The following GOLPH3L variants were observed in gnomAD, a reference collection of about 807,000 sequenced individuals.
GOLPH3L encodes Golgi phosphoprotein 3-like.
GOLPH3L carries 22 observed loss-of-function variants against 30.3 expected under a neutral mutation model. That is an observed-to-expected ratio of 0.73 (90% CI 0.52 to 1.04). The LOEUF (loss-of-function observed/expected upper bound fraction) is 1.04, where lower values mean the gene tolerates loss of function less well. GOLPH3L is among the 50% of genes least tolerant of loss of function. The pLI is 0.00. For missense variants in GOLPH3L, 303 were observed against 345.8 expected, an observed-to-expected ratio of 0.88 and a Z score of 0.98; for synonymous variants, 120 against 128.2, an observed-to-expected ratio of 0.94 and a Z score of 0.43.
intron 2 of GOLPH3L, among the ~76,000 whole-genome samples, chr1:150,680,598 A>G (rs1201090199): frequency 6.6e-6 from 1 of 152,134 alleles, no homozygotes; most frequent in Non-Finnish European, 1.5e-5. Context: ...AGTTTGTAAG[A>G]GCTGATTCAA....
At chr1:150,666,650 T>A (rs587619697) in intron 2 of GOLPH3L, among the ~76,000 whole-genome samples, 29 of 152,302 alleles carry the variant, frequency 1.9e-4, no homozygotes, top group African/African-American at 6.7e-4. Context: ...GGAGAGTTTT[T>A]AAAAAATATC....
intron 2 of GOLPH3L, among the ~76,000 whole-genome samples, chr1:150,666,942 G>A (rs963643528): frequency 4.6e-5 from 7 of 152,052 alleles, no homozygotes; most frequent in East Asian, 1.9e-4. Context: ...AGAGGTTCAC[G>A]TTTAACGTTT....
chr1:150,659,851 T>C (rs778930665), intron 4 of GOLPH3L, among the ~76,000 whole-genome samples: 4 of 151,940 alleles, frequency 2.6e-5, no homozygotes, highest in South Asian at 2.1e-4. Flanking sequence ...CTGGGTGACA[T>C]AGCAAAACCC....
intron 2 of GOLPH3L, 77 bp downstream of exon 2, chr1:150,694,579 A>AATG: frequency 1.2e-6 from 1 of 858,178 alleles, no homozygotes; most frequent in Non-Finnish European, 1.8e-6. Context: ...TATTAAATAT[A>AATG]TTCCATTAGG....
intron 4 of GOLPH3L, among the ~76,000 whole-genome samples, chr1:150,658,367 C>T (rs587706667): frequency 6.6e-6 from 1 of 152,344 alleles, no homozygotes; most frequent in Non-Finnish European, 1.5e-5. Flanking sequence ...AGGGCTGACA[C>T]AGAGAACAAT....
intron 2 of GOLPH3L, among the ~76,000 whole-genome samples, chr1:150,665,411 T>C (rs1650476739): frequency 6.6e-6 from 1 of 151,988 alleles, no homozygotes; most frequent in Non-Finnish European, 1.5e-5. Context: ...ACTGTAGACT[T>C]GAACTCCAGG....
intron 3 of GOLPH3L, among the ~76,000 whole-genome samples, chr1:150,663,039 A>G (rs587674087): frequency 8.5e-4 from 126 of 147,816 alleles, no homozygotes; most frequent in African/African-American, 3.0e-3. Flanking sequence ...CTATTTCGTA[A>G]TTTTTTTTTT....
intron 2 of GOLPH3L, among the ~76,000 whole-genome samples, chr1:150,687,483 A>G (rs1444114540): frequency 1.3e-5 from 2 of 152,012 alleles, no homozygotes; most frequent in African/African-American, 2.4e-5. Context: ...GGAGGCTGAC[A>G]CAGGAGAATT....
chr1:150,678,005 T>A (rs890153083), intron 2 of GOLPH3L, among the ~76,000 whole-genome samples: 1 of 151,558 alleles, frequency 6.6e-6, no homozygotes, highest in Non-Finnish European at 1.5e-5. Context: ...AAAATTTTTT[T>A]AAAGAGAAAT....
intron 4 of GOLPH3L, among the ~76,000 whole-genome samples, chr1:150,649,674 C>T (rs949855668): frequency 1.3e-5 from 2 of 152,198 alleles, no homozygotes; most frequent in African/African-American, 2.4e-5. Context: ...CAGAGCAGGA[C>T]GTGGGGCTTG....
intron 2 of GOLPH3L, among the ~76,000 whole-genome samples, chr1:150,666,037 G>T (rs947068971): frequency 3.9e-5 from 6 of 151,946 alleles, no homozygotes; most frequent in Admixed American, 3.3e-4. Flanking sequence ...ATTGATTGTG[G>T]TTTTTTTGTA....
At chr1:150,690,989 T>C (rs1033490755) in intron 2 of GOLPH3L, among the ~76,000 whole-genome samples, 1 of 152,198 alleles carries the variant, frequency 6.6e-6, no homozygotes, top group Non-Finnish European at 1.5e-5. Context: ...AAAAGCTTAA[T>C]TATTCCAAAG....
intron 2 of GOLPH3L, among the ~76,000 whole-genome samples, chr1:150,683,531 CAAAAAAAAAA>C (rs35646727): frequency 1.8e-5 from 1 of 55,598 alleles, no homozygotes; most frequent in Admixed American, 2.5e-4. Flanking sequence ...GACTCTGTCT[CAAAAAAAAAA>C]AAAAAAAAAA....
chr1:150,681,230 G>GA (rs1174549134), intron 2 of GOLPH3L, among the ~76,000 whole-genome samples: 1 of 152,070 alleles, frequency 6.6e-6, no homozygotes, highest in Non-Finnish European at 1.5e-5. Flanking sequence ...AGAATGAAGG[G>GA]AAAAAATGTG....
intron 2 of GOLPH3L, among the ~76,000 whole-genome samples, chr1:150,679,126 C>T (rs1380841137): frequency 1.3e-5 from 2 of 152,054 alleles, no homozygotes; most frequent in East Asian, 1.9e-4. Flanking sequence ...GGTATTATTC[C>T]CTTAAATCTT....
In GOLPH3L at chr1:150,663,756, G is replaced by C; in HGVS notation, c.191C>G (p.Thr64Arg). The C allele has an allele frequency of 6.2e-7, 1 of 1,613,008 alleles. No homozygotes were observed. The highest frequency in any genetic ancestry group is 8.5e-7 in the Non-Finnish European group (1 of 1,179,142). ...TGATATGCAGTCATTCCAGAAAGATGTGTACCCCTAGGAAAGGAGAAAAGA... is the reference window on the plus strand; with the variant it reads ...TGATATGCAGTCATTCCAGAAAGATCTGTACCCCTAGGAAAGGAGAAAAGA... ...LLGLKDKEGY[T>R]SFWNDCISSG... The change falls in exon 3 of 5, where the codon ACA becomes AGA. Residue 64 changes from threonine (T) to arginine (R), a missense_variant. Physicochemically the swap from Thr to Arg is moderately conservative, Grantham distance 71 (BLOSUM62 -1). Transcript: ENST00000271732.
intron 3 of GOLPH3L, 105 bp downstream of exon 3, chr1:150,663,527 G>A (rs1650422029): frequency 9.7e-7 from 1 of 1,032,936 alleles, no homozygotes; most frequent in South Asian, 1.7e-5. Context: ...TGCTGAGTCA[G>A]TGATATTTAT....
At chr1:150,656,361 T>A (rs1168503554) in intron 4 of GOLPH3L, among the ~76,000 whole-genome samples, 1 of 152,148 alleles carries the variant, frequency 6.6e-6, no homozygotes, top group Non-Finnish European at 1.5e-5. Context: ...GGGACATTAA[T>A]TGGATACGAC....
Position 150,661,911 on chromosome 1 carries a change from G to A in GOLPH3L, c.333C>T (p.Asp111=), listed in dbSNP as rs766321723. 4.5e-6 allele frequency: 7 copies of A among 1,555,050 alleles called. No homozygotes were observed. In the South Asian group the frequency reaches 6.7e-5, roughly 15 times the overall value. ...CCAGTAAAACATCACCTGTTGGGCT[G>A]TCTGACTTTAGCAGTACCTTTGAGA... ...LLDRKVLLKS[D]SPTGDVLLDE... Residue 111 remains aspartate (D), a synonymous_variant, in exon 4 of 5, where the codon GAC becomes GAT. Coordinates refer to ENST00000271732, the MANE Select transcript of GOLPH3L (RefSeq NM_018178.6).
Sources: gnomAD v4.1 joint callset for allele counts (sites outside exome capture counted in the v4.1 genomes callset) on GRCh38, gnomAD v4.1.1 for gene constraint, MANE v1.5 for transcripts, NCBI Gene and HGNC (gene_info 2026-07-23, HGNC 2026-07-21) for gene names.